PLXNA3: variants seen among roughly 807,000 people sequenced by gnomAD.
The protein encoded by PLXNA3 is plexin-A3.
In PLXNA3, 52 loss-of-function variants were observed where a neutral mutation model predicts 118.8. The ratio of observed to expected loss-of-function variants is 0.44; its 90% CI spans 0.35 to 0.55. PLXNA3 has a LOEUF of 0.55. Among genes scored for constraint, PLXNA3 ranks in the 20% least tolerant of loss-of-function variants. The pLI, the probability that PLXNA3 is intolerant of heterozygous loss-of-function variation, is 0.01. For missense variants in PLXNA3, 1,660 were observed against 1,730.8 expected (o/e 0.96, Z 0.73); for synonymous variants, 925 against 762.4 (o/e 1.21, Z -3.51).
chrX:154,465,307 ACTGT>A (rs1340869249), intron 11 of PLXNA3, 89 bp downstream of exon 11: 1 of 1,041,715 alleles, frequency 9.6e-7, no homozygotes, highest in Non-Finnish European at 1.3e-6. Context: ...CTGGCAGGGA[ACTGT>A]CTGAGTCTCC....
intron 27 of PLXNA3, 74 bp downstream of exon 27, chrX:154,469,556 C>T (rs1557208642): frequency 2.7e-5 from 22 of 815,461 alleles, no homozygotes; most frequent in South Asian, 1.0e-4. Flanking sequence ...CAGCAGGACA[C>T]GGGAGCAGTG....
intron 4 of PLXNA3, 98 bp from the exon 5 acceptor site, chrX:154,463,293 A>G (rs1367681599): frequency 1.2e-5 from 14 of 1,133,601 alleles, no homozygotes; most frequent in Non-Finnish European, 1.6e-5. Flanking sequence ...CCAGGTCCTG[A>G]CGTCAGCTCA....
chrX:154,466,584 C>T (rs782011658), intron 16 of PLXNA3, 39 bp from the exon 17 acceptor site: 16 of 1,188,744 alleles, frequency 1.3e-5, no homozygotes, highest in Non-Finnish European at 1.7e-5. Flanking sequence ...GCTGAGGGCC[C>T]TGGGCCACCC....
chrX:154,460,455 C>A lies in PLXNA3; in HGVS notation c.272C>A (p.Ala91Asp). Residue 91 changes from alanine (A) to aspartate (D), a missense_variant, in exon 2 of 33, where the codon GCC becomes GAC. Coordinates refer to ENST00000369682, the MANE Select transcript of PLXNA3 (RefSeq NM_017514.5). Reference protein sequence around the residue: ...PSMRVCAHRLAPVDNINKLLL... With the variant: ...PSMRVCAHRLDPVDNINKLLL... ...ATGCGCGTGTGTGCCCACCGCCTGGCCCCCGTGGACAACATCAACAAGCTG... is the reference window on the plus strand; with the variant it reads ...ATGCGCGTGTGTGCCCACCGCCTGGACCCCGTGGACAACATCAACAAGCTG... The A allele has an allele frequency of 5.0e-6, 6 of 1,202,901 alleles. No homozygotes were observed. Among genetic ancestry groups the A allele is most frequent in the Non-Finnish European group, 5.6e-6 (5 of 889,879 alleles).
Position 154,470,579 on chromosome X carries a change from C to A in PLXNA3, c.5124C>A (p.Asp1708Glu). 1 of 1,211,252 alleles carries A rather than the reference C, an allele frequency of 8.3e-7. No homozygotes were observed. Among genetic ancestry groups the A allele is most frequent in the East Asian group, 3.0e-5 (1 of 33,871 alleles). Reference sequence around the variant, plus strand: ...AGGCGGACCAGCGCCAGATCAGCGACCCCGATGTGCGCCACACCTGGAAGA... The same window carrying A: ...AGGCGGACCAGCGCCAGATCAGCGAACCCGATGTGCGCCACACCTGGAAGA... ...DEQADQRQIS[D>E]PDVRHTWKSN... Residue 1708 changes from aspartate to glutamate, a missense_variant, in exon 30 of 33, where the codon GAC (aspartate) becomes GAA (glutamate). This residue lies in a region of PLXNA3 where 869 missense variants were observed against 1,078.7 expected (regional missense o/e 0.81). Transcript: ENST00000369682.
At position 154,461,290 on chromosome X, in the gene PLXNA3, C is replaced by T. The variant is rs113031143; in HGVS notation, c.786C>T (p.Ile262=). The T allele has an allele frequency of 9.8e-4, 1,185 of 1,211,666 alleles. 7 individuals carry two copies. The African/African-American group carries it at 0.015, about 15-fold the overall frequency. ...TAGEKFFTSK[I]VRMCAGDSEF... ...GCGAGAAATTTTTCACGTCCAAGAT[C>T]GTGCGCATGTGCGCGGGAGACTCAG... is the stretch of plus-strand genomic sequence containing the variant. Residue 262 remains isoleucine, a synonymous_variant, in exon 3 of 33, where the codon ATC becomes ATT. Coordinates refer to ENST00000369682, the MANE Select transcript of PLXNA3 (RefSeq NM_017514.5).
Position 154,470,110 on chromosome X carries a change from G to A in PLXNA3, c.4929G>A (p.Gly1643=), listed in dbSNP as rs781948594. 9 of 1,210,167 alleles carry A rather than the reference G, an allele frequency of 7.4e-6. No individual in the cohort carries two copies. The highest frequency in any genetic ancestry group is 1.0e-5 in the Non-Finnish European group (9 of 895,256). Residue 1643 remains glycine (G), a synonymous_variant, in exon 29 of 33, where the codon GGG becomes GGA. Coordinates refer to ENST00000369682, the MANE Select transcript of PLXNA3 (RefSeq NM_017514.5). The part of the protein sequence containing the change: ...KNHDHADHRE[G]DRGSKMVSEI... ...ACGACCATGCCGACCATCGCGAGGG[G>A]GACCGTGGCAGCAAGATGGTCTCCG... is the stretch of plus-strand genomic sequence containing the variant.
At chrX:154,465,242 C>T (rs1365980416) in intron 11 of PLXNA3, 24 bp downstream of exon 11, 3 of 1,173,735 alleles carry the variant, frequency 2.6e-6, no homozygotes, top group Non-Finnish European at 3.5e-6. Flanking sequence ...CGCTGCCTCC[C>T]TTCGGGGTCT....
chrX:154,468,608 G>A (rs1557208302), intron 23 of PLXNA3, 49 bp downstream of exon 23: 2 of 1,208,386 alleles, frequency 1.7e-6, no homozygotes, highest in Admixed American at 4.3e-5. Flanking sequence ...GCCTGGGCCT[G>A]CCCCCTGTCC....
intron 7 of PLXNA3, 27 bp from the exon 8 acceptor site, chrX:154,464,130 C>G: frequency 8.3e-7 from 1 of 1,207,262 alleles, no homozygotes; most frequent in Non-Finnish European, 1.1e-6. Flanking sequence ...GGAGTCCGCC[C>G]TGCCCTGAGC....
intron 3 of PLXNA3, 50 bp downstream of exon 3, chrX:154,461,688 C>A: frequency 9.1e-7 from 1 of 1,095,973 alleles, no homozygotes; most frequent in Non-Finnish European, 1.2e-6. Context: ...CCCAGGTCTA[C>A]CATGCCCAGC....
In PLXNA3 at chrX:154,469,042, C is replaced by G; in HGVS notation, c.4435-14C>G. 8.3e-7 allele frequency: 1 copy of G among 1,210,628 alleles called. No homozygotes were observed. On this transcript the variant is annotated splice_polypyrimidine_tract_variant and intron_variant, in intron 25 of 32. Coordinates refer to ENST00000369682, the MANE Select transcript of PLXNA3 (RefSeq NM_017514.5). Reference sequence around the variant, plus strand: ...CTCGCCCCAGACTGACACTGGAGTCCGCTTTCCCCTCAGACCCTTCACTGC... The same window carrying G: ...CTCGCCCCAGACTGACACTGGAGTCGGCTTTCCCCTCAGACCCTTCACTGC...
intron 23 of PLXNA3, 25 bp from the exon 24 acceptor site, chrX:154,468,638 C>T (rs200117894): frequency 8.3e-7 from 1 of 1,210,249 alleles, no homozygotes; most frequent in Non-Finnish European, 1.1e-6. Flanking sequence ...CCCTGCCAGG[C>T]CCGAGCCCCC....
At position 154,464,325 on chromosome X, in the gene PLXNA3, G is replaced by A. The variant is rs2069036232; in HGVS notation, c.1828+12G>A. ...TACCAGGGGGCATGGTCAGTGGGTTGGGGCTGCCCAGGATGGGGCAGAGTG... is the reference window on the plus strand; with the variant it reads ...TACCAGGGGGCATGGTCAGTGGGTTAGGGCTGCCCAGGATGGGGCAGAGTG... On this transcript the variant is annotated intron_variant, in intron 8 of 32. Coordinates refer to ENST00000369682, the MANE Select transcript of PLXNA3 (RefSeq NM_017514.5). 3 of 1,205,482 alleles carry A rather than the reference G, an allele frequency of 2.5e-6. No individual in the cohort carries two copies. Among genetic ancestry groups the A allele is most frequent in the East Asian group, 5.9e-5 (2 of 33,787 alleles).
At chrX:154,471,725 A>G in intron 32 of PLXNA3, 87 bp downstream of exon 32, 1 of 916,105 alleles carries the variant, frequency 1.1e-6, no homozygotes, top group Non-Finnish European at 1.5e-6. Flanking sequence ...GGGGTTGGGG[A>G]TTGTTCACGG....
chrX:154,468,664 A>G lies in PLXNA3; in HGVS notation c.4222A>G (p.Thr1408Ala), dbSNP rs1331820656. The change falls in exon 24 of 33, where the codon ACA (threonine) becomes GCA (alanine). Residue 1408 changes from threonine (T) to alanine (A), a missense_variant and splice_region_variant. Transcript: ENST00000369682. ...CCGAGCCCCCTTCTCTTGCCCTAGG[A>G]CAGAGTCAGTGGCTGAGAAGATGCT... is the stretch of plus-strand genomic sequence containing the variant. ...KNHPKLLLRR[T>A]ESVAEKMLTN... 8.3e-7 allele frequency: 1 copy of G among 1,210,047 alleles called. No homozygotes were observed. The highest frequency in any genetic ancestry group is 1.1e-6 in the Non-Finnish European group (1 of 895,063).
chrX:154,459,555 C>G (rs1009198804), intron 1 of PLXNA3, among the ~76,000 whole-genome samples: 1 of 112,391 alleles, frequency 8.9e-6, no homozygotes, highest in Non-Finnish European at 1.9e-5. Context: ...GAGGGGCAGG[C>G]GCGACTTGGC....
rs139075863 is a variant in PLXNA3, at chrX:154,470,113, C to A, written c.4932C>A (p.Asp1644Glu). The change falls in exon 29 of 33, where the codon GAC (aspartate) becomes GAA (glutamate). Residue 1644 changes from aspartate (D) to glutamate (E), a missense_variant. This residue lies in a region of PLXNA3 where 869 missense variants were observed against 1,078.7 expected (regional missense o/e 0.81). Coordinates refer to ENST00000369682, the MANE Select transcript of PLXNA3 (RefSeq NM_017514.5). Reference protein sequence around the residue: ...NHDHADHREGDRGSKMVSEIY... With the variant: ...NHDHADHREGERGSKMVSEIY... ...ACCATGCCGACCATCGCGAGGGGGA[C>A]CGTGGCAGCAAGATGGTCTCCGAGA... is the stretch of plus-strand genomic sequence containing the variant. 1.7e-5 allele frequency: 21 copies of A among 1,207,688 alleles called. No homozygotes were observed. Among genetic ancestry groups the A allele is most frequent in the Non-Finnish European group, 2.3e-5 (21 of 894,290 alleles).
intron 24 of PLXNA3, 35 bp downstream of exon 24, chrX:154,468,764 G>T (rs1557208358): frequency 8.3e-7 from 1 of 1,211,011 alleles, no homozygotes; most frequent in South Asian, 1.8e-5. Flanking sequence ...GGAGGTGGTG[G>T]CAGAGGACCG....
Sources: allele counts gnomAD v4.1 joint callset (sites outside exome capture counted in the v4.1 genomes callset), GRCh38; gene constraint gnomAD v4.1.1; regional missense constraint gnomAD v4.1.1; transcripts MANE v1.5; gene names NCBI Gene and HGNC (gene_info 2026-07-23, HGNC 2026-07-21).